The following GK variants were observed in gnomAD, a reference collection of about 807,000 sequenced individuals.
The protein encoded by GK is glycerol kinase, also known as ATP:glycerol 3-phosphotransferase.
In GK, 9 loss-of-function variants were observed where a neutral mutation model predicts 56.4. That is an observed-to-expected ratio of 0.16 (90% CI 0.10 to 0.28). The LOEUF (loss-of-function observed/expected upper bound fraction) is 0.28. Ranked by LOEUF, GK falls within the 10% of genes least tolerant of loss-of-function variation. The pLI, the probability that GK is intolerant of heterozygous loss-of-function variation, is 1.00. For missense variants in GK, 161 were observed against 431.4 expected, an observed-to-expected ratio of 0.37 and a Z score of 5.55; for synonymous variants, 104 against 144.1, an observed-to-expected ratio of 0.72 and a Z score of 1.99.
intron 19 of GK, among the ~76,000 whole-genome samples, chrX:30,727,114 G>A (rs777282109): frequency 8.9e-6 from 1 of 112,080 alleles, no homozygotes; most frequent in Non-Finnish European, 1.9e-5. Flanking sequence ...GAATTAAATA[G>A]ATCATTTAAT....
At chrX:30,663,347 C>G (rs182141412) in intron 1 of GK, among the ~76,000 whole-genome samples, 5 of 111,910 alleles carry the variant, frequency 4.5e-5, no homozygotes, top group Admixed American at 1.9e-4. Flanking sequence ...ACATGTAATA[C>G]ATCATGTTTT....
chrX:30,686,593 G>C (rs1301354490), intron 4 of GK, among the ~76,000 whole-genome samples: 2 of 111,485 alleles, frequency 1.8e-5, no homozygotes, highest in African/African-American at 6.5e-5. Flanking sequence ...ACGAAAAACT[G>C]GAAAGTTATG....
intron 3 of GK, among the ~76,000 whole-genome samples, chrX:30,673,221 A>G (rs1933659190): frequency 1.8e-5 from 2 of 112,220 alleles, no homozygotes; most frequent in Admixed American, 1.9e-4. Context: ...AAGCTGGTAA[A>G]TGCAAGAGCA....
chrX:30,693,892 G>A (rs950186471), intron 5 of GK, among the ~76,000 whole-genome samples: 1 of 111,586 alleles, frequency 9.0e-6, no homozygotes, highest in Non-Finnish European at 1.9e-5. Context: ...CTACTTTAGT[G>A]TCTACTAATT....
chrX:30,655,440 C>G (rs1022322811), intron 1 of GK, among the ~76,000 whole-genome samples: 24 of 111,882 alleles, frequency 2.1e-4, no homozygotes, highest in African/African-American at 7.1e-4. Context: ...GTCAAGGGGA[C>G]AGCTAGTAGC....
intron 2 of GK, among the ~76,000 whole-genome samples, chrX:30,666,900 A>AT (rs1933113161): frequency 9.0e-6 from 1 of 111,696 alleles, no homozygotes; most frequent in South Asian, 3.6e-4. Context: ...CACGCCTGTA[A>AT]TCCCAGCACT....
intron 3 of GK, among the ~76,000 whole-genome samples, chrX:30,675,519 C>CTT (rs752900168): frequency 6.7e-5 from 6 of 90,191 alleles, no homozygotes; most frequent in African/African-American, 2.0e-4. Context: ...TTTTATTCTT[C>CTT]TTTTTTTTTT....
At chrX:30,687,940 C>T (rs1340453664) in intron 4 of GK, among the ~76,000 whole-genome samples, 1 of 112,137 alleles carries the variant, frequency 8.9e-6, no homozygotes, top group East Asian at 2.8e-4. Flanking sequence ...CTAATGCATT[C>T]CATGTATTCT....
chrX:30,682,826 G>A (rs1001997368), intron 4 of GK, among the ~76,000 whole-genome samples: 3 of 111,734 alleles, frequency 2.7e-5, no homozygotes, highest in African/African-American at 9.8e-5. Context: ...TCAAGATCAA[G>A]GTGCTTACCC....
intron 13 of GK, among the ~76,000 whole-genome samples, chrX:30,714,836 A>C: frequency 8.9e-6 from 1 of 112,247 alleles, no homozygotes; most frequent in East Asian, 2.8e-4. Context: ...TTTCTTGAAA[A>C]GTATACTTTC....
At chrX:30,682,730 G>A (rs547285865) in intron 4 of GK, among the ~76,000 whole-genome samples, 19 of 111,227 alleles carry the variant, frequency 1.7e-4, no homozygotes, top group African/African-American at 5.2e-4. Flanking sequence ...TCTCTGTCTC[G>A]GTTCAGGCTG....
chrX:30,670,166 A>G (rs1243161794), intron 3 of GK, among the ~76,000 whole-genome samples: 1 of 111,754 alleles, frequency 8.9e-6, no homozygotes, highest in Non-Finnish European at 1.9e-5. Flanking sequence ...GTGCAAACAA[A>G]TAATAGGCAA....
intron 18 of GK, chrX:30,723,848 G>A: frequency 1.1e-5 from 4 of 369,220 alleles, no homozygotes; most frequent in South Asian, 3.9e-5. Flanking sequence ...CAAAATGCTG[G>A]GATTACAGGC....
In GK at chrX:30,720,001, G is replaced by A. The variant is rs1314210225; in HGVS notation, c.1152-10G>A. On this transcript the variant is annotated splice_polypyrimidine_tract_variant and intron_variant, in intron 15 of 20. Transcript: ENST00000427190. ...CATTCTAATCTGAAAATCTTTGTGC[G>A]TATTTTTAGGATAATCTGTGGACTC... The A allele has an allele frequency of 4.6e-6, 5 of 1,095,992 alleles. No individual in the cohort carries two copies. The highest frequency in any genetic ancestry group is 6.0e-5 in the East Asian group (2 of 33,258). The allele number at this position is 1,095,992 out of a possible 1,213,427, so 90.3% of individuals were successfully genotyped here. A position where few individuals can be genotyped will look rare whatever the true frequency, so the allele number is the denominator to read the frequency against.
chrX:30,704,128 T>TTATATATATATATATATATATATATATA lies in GK; in HGVS notation c.851+3244_851+3245insATATATATATATATATATATATATATAT, dbSNP rs752736589. ...CAGAAAAACAATGCAGTTATTCATT[T>TTATATATATATATATATATATATATATA]TATATATATATATATATATATGAGA... On this transcript the variant is annotated intron_variant, in intron 11 of 20. Transcript: ENST00000427190. Among the ~76,000 whole-genome samples the TTATATATATATATATATATATATATATA allele has an allele frequency of 3.3e-3, 245 of 74,805 alleles. 21 individuals are homozygous for TTATATATATATATATATATATATATATA. The highest frequency in any genetic ancestry group is 0.013 in the African/African-American group (177 of 14,004). 65.0% of individuals were successfully genotyped at this position (74,805 alleles called of 115,157 possible).
chrX:30,690,156 T>C, intron 4 of GK, among the ~76,000 whole-genome samples: 1 of 112,286 alleles, frequency 8.9e-6, no homozygotes, highest in Non-Finnish European at 1.9e-5. Context: ...CAATGATTGC[T>C]AGCATTCAAA....
intron 5 of GK, among the ~76,000 whole-genome samples, chrX:30,692,751 C>T (rs1302806290): frequency 9.1e-6 from 1 of 109,699 alleles, no homozygotes; most frequent in East Asian, 2.8e-4. Context: ...TGAGCCACCG[C>T]GCCCGGCCTC....
At position 30,707,596 on chromosome X, in the gene GK, A is replaced by G. The variant is rs1204523916; in HGVS notation, c.892A>G (p.Lys298Glu). 3.7e-6 allele frequency: 4 copies of G among 1,074,383 alleles called. No homozygotes were observed. The highest frequency in any genetic ancestry group is 5.2e-6 in the Non-Finnish European group (4 of 772,889). 88.5% of individuals were successfully genotyped at this position (1,074,383 alleles called of 1,213,427 possible). Reference protein sequence around the residue: ...GCFLLCNTGHKCVFSDHGLLT... With the variant: ...GCFLLCNTGHECVFSDHGLLT... ...TTTCTTACTATGTAATACAGGCCAT[A>G]AGGTTGGTTTTTTAAATTAAAAAAT... Residue 298 changes from lysine (K) to glutamate (E), a missense_variant and splice_region_variant, in exon 12 of 21, where the codon AAG becomes GAG. Coordinates refer to ENST00000427190, the MANE Select transcript of GK (RefSeq NM_001205019.2).
rs1487843511 is a variant in GK, at chrX:30,719,450, T to C, written c.1086T>C (p.Tyr362=). The C allele has an allele frequency of 5.0e-6, 6 of 1,190,626 alleles. No individual in the cohort carries two copies. The African/African-American group carries it at 7.0e-5, about 14-fold the overall frequency. Residue 362 remains tyrosine, a synonymous_variant, in exon 15 of 21, where the codon TAT becomes TAC. Transcript: ENST00000427190. ...TTGCTAAAGAAGTAGGTACTTCTTA[T>C]GGCTGCTACTTCGTCCCAGCATTTT... The part of the protein sequence containing the change: ...EKLAKEVGTS[Y]GCYFVPAFSG...
Sources: allele counts gnomAD v4.1 joint callset (sites outside exome capture counted in the v4.1 genomes callset), GRCh38; gene constraint gnomAD v4.1.1; transcripts MANE v1.5; gene names NCBI Gene and HGNC (gene_info 2026-07-23, HGNC 2026-07-21).